SLC46A3: variants seen among roughly 807,000 people sequenced by gnomAD.
The protein encoded by SLC46A3 is solute carrier family 46 member 3, also known as lysosomal proton-coupled steroid conjugate and bile acid symporter SLC46A3.
In SLC46A3, 26 loss-of-function variants were observed where a neutral mutation model predicts 38.5. The ratio of observed to expected loss-of-function variants is 0.68; its 90% confidence interval spans 0.49 to 0.94. The LOEUF is 0.94. SLC46A3 is among the 40% of genes least tolerant of loss of function. The pLI is 0.00. For synonymous variants in SLC46A3, 185 were observed against 192.5 expected, an observed-to-expected ratio of 0.96 and a Z score of 0.32; for missense variants, 510 against 544.3, an observed-to-expected ratio of 0.94 and a Z score of 0.63.
chr13:28,703,021 C>T (rs566990701), intron 5 of SLC46A3, among the ~76,000 whole-genome samples: 30 of 152,102 alleles, frequency 2.0e-4, no homozygotes, highest in African/African-American at 6.8e-4. Context: ...TTTGCTTGGA[C>T]GTTTCAGCAA....
At chr13:28,714,326 G>A (rs1042481886) in intron 2 of SLC46A3, among the ~76,000 whole-genome samples, 3 of 152,048 alleles carry the variant, frequency 2.0e-5, no homozygotes, top group South Asian at 2.1e-4. Context: ...GTAGCATACC[G>A]TGGCTGAGTG....
intron 4 of SLC46A3, among the ~76,000 whole-genome samples, chr13:28,709,651 C>T (rs1467215315): frequency 6.6e-6 from 1 of 152,192 alleles, no homozygotes; most frequent in African/African-American, 2.4e-5. Flanking sequence ...AACTGTTTGA[C>T]TTTGTGTACC....
intron 4 of SLC46A3, 73 bp from the exon 5 acceptor site, chr13:28,704,172 G>A: frequency 7.4e-7 from 1 of 1,356,798 alleles, no homozygotes; most frequent in Non-Finnish European, 1.0e-6. Flanking sequence ...CAAACTAATG[G>A]AGACAACTGT....
chr13:28,714,848 G>A (rs530566632), intron 2 of SLC46A3, among the ~76,000 whole-genome samples: 1 of 152,306 alleles, frequency 6.6e-6, no homozygotes, highest in South Asian at 2.1e-4. Context: ...AATGACAGAT[G>A]ACATACACAC....
At chr13:28,712,575 C>T (rs1478202119) in intron 3 of SLC46A3, 105 bp downstream of exon 3, 30 of 1,211,456 alleles carry the variant, frequency 2.5e-5, no homozygotes, top group Non-Finnish European at 3.3e-5. Flanking sequence ...ACTAGAATGG[C>T]TTAAATAGAG....
At chr13:28,716,523 C>T (rs1451855866) in intron 2 of SLC46A3, among the ~76,000 whole-genome samples, 2 of 152,116 alleles carry the variant, frequency 1.3e-5, no homozygotes, top group African/African-American at 2.4e-5. Context: ...GTGAGCCGAT[C>T]GAAGCTTCTC....
At chr13:28,715,419 G>A (rs534808302) in intron 2 of SLC46A3, among the ~76,000 whole-genome samples, 44 of 152,308 alleles carry the variant, frequency 2.9e-4, no homozygotes, top group Middle Eastern at 6.8e-3. Flanking sequence ...ACCAAGGCCC[G>A]TCTTCCCTCA....
At position 28,718,681 on chromosome 13, in the gene SLC46A3, T is replaced by C. The variant is rs1291860183; in HGVS notation, c.-210A>G. 1 of 152,284 alleles carries C rather than the reference T, an allele frequency of 6.6e-6. No individual in the cohort carries two copies. Among genetic ancestry groups the C allele is most frequent in the African/African-American group, 2.4e-5 (1 of 41,458 alleles). 9.4% of individuals were successfully genotyped at this position (152,284 alleles called of 1,614,324 possible). A position where few individuals can be genotyped will look rare whatever the true frequency, so the allele number is the denominator to read the frequency against. On this transcript the variant is annotated 5_prime_UTR_variant, in exon 1 of 6. Coordinates refer to ENST00000266943, the MANE Select transcript of SLC46A3 (RefSeq NM_181785.4). ...CGGCGCTGGGGTGGGGAGAGTACTT[T>C]CCCGTCGAACTCGACCAAATTACGC... is the stretch of plus-strand genomic sequence containing the variant.
chr13:28,714,305 G>A lies in SLC46A3; in HGVS notation c.190-755C>T, dbSNP rs1205378189. On this transcript the variant is annotated intron_variant, in intron 2 of 5. Transcript: ENST00000266943. The stretch of plus-strand genomic sequence containing the variant: ...AAAATTGAAAGAGGAGACTTACACT[G>A]TCTACAGATGGTAGCATACCGTGGC... 3.9e-5 allele frequency among the ~76,000 whole-genome samples: 6 copies of A among 152,008 alleles called. No homozygotes were observed. In the East Asian group the frequency reaches 9.7e-4, roughly 24 times the overall value.
chr13:28,713,205 C>T lies in SLC46A3; in HGVS notation c.535G>A (p.Val179Ile), dbSNP rs370073073. 7.4e-6 allele frequency: 12 copies of T among 1,613,984 alleles called. No individual in the cohort carries two copies. The highest frequency in any genetic ancestry group is 3.3e-4 in the Middle Eastern group (2 of 6,084). The change falls in exon 3 of 6, where the codon GTT (valine) becomes ATT (isoleucine). Residue 179 changes from valine to isoleucine, a missense_variant. Val to Ile is a conservative substitution (Grantham distance 29). Coordinates refer to ENST00000266943, the MANE Select transcript of SLC46A3 (RefSeq NM_181785.4). ...IAIIDFLLGL[V>I]TGLTGLSSGY... ...GATGACAGTCCTGTTAGTCCAGTAACAAGTCCAAGTAGAAAGTCAATGATA... is the reference window on the plus strand; with the variant it reads ...GATGACAGTCCTGTTAGTCCAGTAATAAGTCCAAGTAGAAAGTCAATGATA...
chr13:28,716,580 G>A (rs775776892), intron 2 of SLC46A3, among the ~76,000 whole-genome samples: 4 of 152,036 alleles, frequency 2.6e-5, no homozygotes, highest in African/African-American at 4.8e-5. Flanking sequence ...AGATAAGACC[G>A]CTGGGTGAGA....
At chr13:28,708,171 T>A (rs1160986792) in intron 4 of SLC46A3, among the ~76,000 whole-genome samples, 1 of 152,208 alleles carries the variant, frequency 6.6e-6, no homozygotes, top group African/African-American at 2.4e-5. Context: ...ATGCTTTCAC[T>A]TCTCATGGTA....
At position 28,713,279 on chromosome 13, in the gene SLC46A3, T is replaced by C. The variant is rs1426241625; in HGVS notation, c.461A>G (p.Tyr154Cys). 3 of 1,613,928 alleles carry C rather than the reference T, an allele frequency of 1.9e-6. No homozygotes were observed. The highest frequency in any genetic ancestry group is 1.7e-6 in the Non-Finnish European group (2 of 1,180,016). ...GTGTTCTTTACACTGATCAACTATA[T>C]AGGCAAAGCAAGCTCCCCAAAATGT... Reference protein sequence around the residue: ...YTTFWGACFAYIVDQCKEHKQ... With the variant: ...YTTFWGACFACIVDQCKEHKQ... The change falls in exon 3 of 6, where the codon TAT becomes TGT. Residue 154 changes from tyrosine (Y) to cysteine (C), a missense_variant. Physicochemically the swap from Tyr to Cys is radical, Grantham distance 194. Transcript: ENST00000266943.
Position 28,718,889 on chromosome 13 carries a change from A to C in SLC46A3, c.-418T>G, listed in dbSNP as rs1885620246. 1.3e-5 allele frequency: 2 copies of C among 152,152 alleles called. No homozygotes were observed. Among genetic ancestry groups the C allele is most frequent in the African/African-American group, 4.8e-5 (2 of 41,428 alleles). The allele number at this position is 152,152 out of a possible 1,614,324, so 9.4% of individuals were successfully genotyped here. A position where few individuals can be genotyped will look rare whatever the true frequency, so the allele number is the denominator to read the frequency against. ...CCTTCTGCGCAGTGGACAATCGGCC[A>C]ATCGGCGCCTCCGTCGGTCGGTCAG... On this transcript the variant is annotated 5_prime_UTR_variant, in exon 1 of 6. In the 5' UTR this introduces an upstream ATG that the reference lacks. Coordinates refer to ENST00000266943, the MANE Select transcript of SLC46A3 (RefSeq NM_181785.4).
Position 28,712,903 on chromosome 13 carries a change from T to A in SLC46A3, c.837A>T (p.Pro279=). The change falls in exon 3 of 6, where the codon CCA becomes CCT. Residue 279 remains proline, a synonymous_variant. Coordinates refer to ENST00000266943, the MANE Select transcript of SLC46A3 (RefSeq NM_181785.4). ...AATCCAATTCATAAAGGATAAAAATTGGGGCAATGCCAATTACCACAAAAA... is the reference window on the plus strand; with the variant it reads ...AATCCAATTCATAAAGGATAAAAATAGGGGCAATGCCAATTACCACAAAAA... ...TYFFVVIGIA[P]IFILYELDSP... is the part of the protein sequence containing the mutation. 1 of 1,610,538 alleles carries A rather than the reference T, an allele frequency of 6.2e-7. No individual in the cohort carries two copies. The highest frequency in any genetic ancestry group is 8.5e-7 in the Non-Finnish European group (1 of 1,179,180).
At chr13:28,710,723 A>T in intron 4 of SLC46A3, 37 bp downstream of exon 4, 1 of 1,456,036 alleles carries the variant, frequency 6.9e-7, no homozygotes, top group Non-Finnish European at 9.6e-7. Flanking sequence ...GTTTGTAAAG[A>T]TGGTAGATTC....
intron 2 of SLC46A3, among the ~76,000 whole-genome samples, chr13:28,714,505 T>C (rs1057375337): frequency 2.6e-5 from 4 of 151,944 alleles, no homozygotes; most frequent in African/African-American, 9.7e-5. Context: ...TCCTAGCACT[T>C]TGGGGGGCCA....
chr13:28,709,745 A>G (rs1885288642), intron 4 of SLC46A3, among the ~76,000 whole-genome samples: 1 of 152,178 alleles, frequency 6.6e-6, no homozygotes, highest in Admixed American at 6.5e-5. Context: ...CACTTGGTTA[A>G]AAGGATGATG....
chr13:28,708,078 T>C (rs1885228123), intron 4 of SLC46A3, among the ~76,000 whole-genome samples: 1 of 152,250 alleles, frequency 6.6e-6, no homozygotes, highest in Admixed American at 6.5e-5. Context: ...TTTACCCATT[T>C]GTCAGTTCAT....
Sources: allele counts gnomAD v4.1 joint callset (sites outside exome capture counted in the v4.1 genomes callset), GRCh38; gene constraint gnomAD v4.1.1; transcripts MANE v1.5; gene names NCBI Gene and HGNC (gene_info 2026-07-23, HGNC 2026-07-21).